The following LRRC49 variants were observed in gnomAD, a reference collection of about 807,000 sequenced individuals.
LRRC49 encodes the protein leucine rich repeat containing 49, also known as leucine-rich repeat-containing protein 49.
A neutral mutation model predicts 83.3 loss-of-function variants in LRRC49; 50 were observed. That is an observed-to-expected ratio of 0.60 (90% CI 0.48 to 0.76). LRRC49 has a LOEUF of 0.76. Ranked by LOEUF, LRRC49 falls within the 30% of genes least tolerant of loss-of-function variation. The pLI is 0.00. For missense variants in LRRC49, 704 were observed against 809.1 expected (o/e 0.87, Z 1.58); for synonymous variants, 286 against 283.3 (o/e 1.01, Z -0.10).
chr15:70,854,928 T>C (rs1055275944), intron 1 of LRRC49, among the ~76,000 whole-genome samples: 2 of 152,206 alleles, frequency 1.3e-5, no homozygotes, highest in Non-Finnish European at 2.9e-5. Context: ...AAGGGAGCTA[T>C]TGAAATGTCA....
At chr15:70,920,359 C>T (rs1213708840) in intron 7 of LRRC49, among the ~76,000 whole-genome samples, 1 of 152,174 alleles carries the variant, frequency 6.6e-6, no homozygotes, top group African/African-American at 2.4e-5. Flanking sequence ...AGCATGCTAT[C>T]CAAGACACAG....
intron 9 of LRRC49, among the ~76,000 whole-genome samples, chr15:70,971,406 A>G (rs2036993603): frequency 6.6e-6 from 1 of 152,142 alleles, no homozygotes; most frequent in African/African-American, 2.4e-5. Flanking sequence ...TTGATTTTAG[A>G]ATAAGTACGA....
At chr15:70,861,759 AAAATAG>A (rs2032795295) in intron 1 of LRRC49, among the ~76,000 whole-genome samples, 1 of 152,190 alleles carries the variant, frequency 6.6e-6, no homozygotes, top group African/African-American at 2.4e-5. Context: ...TCACAAGTTA[AAAATAG>A]ATGGAGACCC....
upstream of LRRC49, chr15:70,892,465 T>TTCC (rs1402633873): frequency 6.6e-6 from 10 of 1,525,770 alleles, no homozygotes; most frequent in South Asian, 3.6e-5. Flanking sequence ...CTTTGATATC[T>TTCC]TCCTCCTCCT....
intron 11 of LRRC49, among the ~76,000 whole-genome samples, chr15:70,987,509 A>G (rs1164690108): frequency 3.9e-5 from 6 of 151,978 alleles, no homozygotes; most frequent in South Asian, 4.2e-4. Flanking sequence ...TATTGCGTCT[A>G]TTTGATTCTT....
intron 5 of LRRC49, among the ~76,000 whole-genome samples, chr15:70,906,157 C>T (rs1340802906): frequency 2.1e-5 from 3 of 144,336 alleles, no homozygotes; most frequent in East Asian, 2.0e-4. Flanking sequence ...AGTGCAGTGG[C>T]GCCATCTCAG....
upstream of LRRC49, chr15:70,892,762 A>G (rs2141095119): frequency 6.3e-7 from 1 of 1,582,206 alleles, no homozygotes; most frequent in Non-Finnish European, 8.6e-7. Flanking sequence ...AGAGGTCCAG[A>G]CCGGAAATGG....
chr15:71,012,920 T>C lies in LRRC49; in HGVS notation c.1703+7T>C. ...CCATTCTGGGTGATGCCAGGTAACC[T>C]TTAATTTTTGTAGTTTTTTATAGAA... is the stretch of plus-strand genomic sequence containing the variant. On this transcript the variant is annotated splice_region_variant and intron_variant, in intron 14 of 15. Transcript: ENST00000260382. 1 of 1,577,762 alleles carries C rather than the reference T, an allele frequency of 6.3e-7. No homozygotes were observed. The highest frequency in any genetic ancestry group is 1.4e-5 in the African/African-American group (1 of 73,518).
At chr15:70,948,552 A>G (rs1171464264) in intron 8 of LRRC49, among the ~76,000 whole-genome samples, 1 of 120,662 alleles carries the variant, frequency 8.3e-6, no homozygotes, top group Admixed American at 8.7e-5. Context: ...CTTTACTATT[A>G]TTATTTATTT....
In LRRC49 at chr15:70,919,066, A is replaced by G; in HGVS notation, c.584A>G (p.Asn195Ser). ...LHGNQITKIE[N>S]INHLCELRVL... Reference sequence around the variant, plus strand: ...CTTTAACAGATTACCAAAATTGAAAATATTAATCATTTGTGTGAGTTGAGA... The same window carrying G: ...CTTTAACAGATTACCAAAATTGAAAGTATTAATCATTTGTGTGAGTTGAGA... Residue 195 changes from asparagine to serine, a missense_variant, in exon 7 of 16, where the codon AAT becomes AGT. Transcript: ENST00000260382. 2 of 1,611,768 alleles carry G rather than the reference A, an allele frequency of 1.2e-6. No individual in the cohort carries two copies. The highest frequency in any genetic ancestry group is 1.1e-5 in the South Asian group (1 of 90,578).
Position 71,051,337 on chromosome 15 carries a change from T to A in LRRC49, c.*1725T>A, listed in dbSNP as rs1309805118. 1 of 152,194 alleles carries A rather than the reference T, an allele frequency of 6.6e-6. No individual in the cohort carries two copies. Among genetic ancestry groups the A allele is most frequent in the Admixed American group, 6.5e-5 (1 of 15,284 alleles). 9.4% of individuals were successfully genotyped at this position (152,194 alleles called of 1,614,324 possible). A position where few individuals can be genotyped will look rare whatever the true frequency, so the allele number is the denominator to read the frequency against. On this transcript the variant is annotated 3_prime_UTR_variant, in exon 16 of 16. Coordinates refer to ENST00000260382, the MANE Select transcript of LRRC49 (RefSeq NM_017691.5). The stretch of plus-strand genomic sequence containing the variant: ...TAATTATTACTCTTTTGGCTGTAGG[T>A]TGAACAATAGGGTTGGTGCCCTAGG...
At chr15:70,999,314 G>A (rs1214149145) in intron 11 of LRRC49, among the ~76,000 whole-genome samples, 1 of 151,886 alleles carries the variant, frequency 6.6e-6, no homozygotes, top group Non-Finnish European at 1.5e-5. Context: ...AGGGTTTGTT[G>A]TTGCTGCTTG....
At chr15:70,944,118 A>G (rs762292858) in intron 8 of LRRC49, among the ~76,000 whole-genome samples, 3 of 152,128 alleles carry the variant, frequency 2.0e-5, no homozygotes, top group Non-Finnish European at 4.4e-5. Context: ...TGTCACCTGC[A>G]TGTATGAGGA....
At chr15:70,885,821 G>C (rs1298347903) in intron 2 of LRRC49, among the ~76,000 whole-genome samples, 1 of 152,120 alleles carries the variant, frequency 6.6e-6, no homozygotes, top group Non-Finnish European at 1.5e-5. Flanking sequence ...ATTCCAAAAG[G>C]ATATAGGAAA....
At chr15:70,905,830 A>G (rs565243359) in intron 5 of LRRC49, among the ~76,000 whole-genome samples, 44 of 152,224 alleles carry the variant, frequency 2.9e-4, no homozygotes, top group Admixed American at 2.0e-3. Flanking sequence ...GCTTCCTTCC[A>G]TGAGCGTCAT....
rs576555469 is a variant in LRRC49, at chr15:71,010,977, A to T, written c.1593+985A>T. ...ATACTTAACTCCAAAAATTCAGCAT[A>T]CTATGAGGAGACTGTACATCTCTGG... is the stretch of plus-strand genomic sequence containing the variant. On this transcript the variant is annotated intron_variant, in intron 13 of 15. Coordinates refer to ENST00000260382, the MANE Select transcript of LRRC49 (RefSeq NM_017691.5). Among the ~76,000 whole-genome samples the T allele has an allele frequency of 5.3e-5, 8 of 152,244 alleles. No homozygotes were observed. In the South Asian group the frequency reaches 1.7e-3, roughly 32 times the overall value.
At chr15:70,902,648 C>G (rs909647848) in intron 4 of LRRC49, 1 of 152,180 alleles carries the variant, frequency 6.6e-6, no homozygotes, top group East Asian at 1.9e-4. Context: ...TAGCTAGGAG[C>G]CTGAGGGGTC....
intron 9 of LRRC49, among the ~76,000 whole-genome samples, chr15:70,971,797 C>CTTTT (rs56230666): frequency 2.7e-4 from 22 of 82,266 alleles, no homozygotes; most frequent in Admixed American, 4.6e-4. Context: ...GTAACCACTC[C>CTTTT]TTTTTTTTTT....
At chr15:70,875,693 T>C (rs1295320164) in intron 2 of LRRC49, among the ~76,000 whole-genome samples, 2 of 152,238 alleles carry the variant, frequency 1.3e-5, no homozygotes, top group Non-Finnish European at 1.5e-5. Flanking sequence ...AAATATGTTG[T>C]AGGTACTAAA....
Sources: allele counts gnomAD v4.1 joint callset (sites outside exome capture counted in the v4.1 genomes callset), GRCh38; gene constraint gnomAD v4.1.1; transcripts MANE v1.5; gene names NCBI Gene and HGNC (gene_info 2026-07-23, HGNC 2026-07-21).